The following NOL6 variants were observed in gnomAD, a reference collection of about 807,000 sequenced individuals.
NOL6 encodes nucleolar RNA-associated protein.
Under a neutral mutation model 131.7 loss-of-function variants are expected in NOL6, and 33 were observed. The ratio of observed to expected loss-of-function variants is 0.25; its 90% CI spans 0.19 to 0.33. The LOEUF is 0.33. NOL6 is among the 10% of genes least tolerant of loss of function. NOL6 has a pLI of 1.00. For missense variants in NOL6, 1,297 were observed against 1,494.5 expected, an observed-to-expected ratio of 0.87 and a Z score of 2.18; for synonymous variants, 580 against 605.7, an observed-to-expected ratio of 0.96 and a Z score of 0.62.
In NOL6 at chr9:33,466,350, G is replaced by C. The variant is rs35135082; in HGVS notation, c.2167C>G (p.Arg723Gly). ...TLRERSSLLPRLDKPCPAYVE... is the reference protein window; with the variant it reads ...TLRERSSLLPGLDKPCPAYVE... ...TAGGCCGGACAGGGCTTATCGAGCC[G>C]GGGCAGCAGTGAGGACCGCTCCCGC... Residue 723 changes from arginine to glycine, a missense_variant, in exon 17 of 26, where the codon CGG (arginine) becomes GGG (glycine). By Grantham distance (125) the Arg-to-Gly change is moderately radical (BLOSUM62 -2). Transcript: ENST00000297990. The C allele has an allele frequency of 5.0e-6, 8 of 1,614,186 alleles. 1 individual carries two copies. Among genetic ancestry groups the C allele is most frequent in the South Asian group, 3.3e-5 (3 of 91,082 alleles).
intron 23 of NOL6, 58 bp downstream of exon 23, chr9:33,463,773 G>A (rs1296754959): frequency 3.2e-6 from 5 of 1,568,288 alleles, no homozygotes; most frequent in Non-Finnish European, 4.4e-6. Flanking sequence ...CCTGAACGCT[G>A]AACTTCCAAA....
intron 23 of NOL6, 146 bp downstream of exon 23, chr9:33,463,685 A>T: frequency 1.1e-6 from 1 of 906,388 alleles, no homozygotes; most frequent in South Asian, 1.7e-5. Flanking sequence ...AGGCTCTGCC[A>T]CCCCAGGCAC....
intron 22 of NOL6, 38 bp downstream of exon 22, chr9:33,463,999 A>C: frequency 6.2e-7 from 1 of 1,612,694 alleles, no homozygotes; most frequent in Non-Finnish European, 8.5e-7. Context: ...TTCCTTGGGA[A>C]GAAAACCACA....
chr9:33,467,593 G>C lies in NOL6; in HGVS notation c.1603-77C>G, dbSNP rs1306490487. Reference sequence around the variant, plus strand: ...TAGAAACCTACTTTCTAGCTAGCTAGAAACGCCTAGCTGGAGGAATGGTGT... The same window carrying C: ...TAGAAACCTACTTTCTAGCTAGCTACAAACGCCTAGCTGGAGGAATGGTGT... On this transcript the variant is annotated intron_variant, in intron 12 of 25. Coordinates refer to ENST00000297990, the MANE Select transcript of NOL6 (RefSeq NM_022917.5). The surrounding 1 kb of genome is among the most constrained non-coding windows in gnomAD (Gnocchi z 4.4). 5 of 1,586,812 alleles carry C rather than the reference G, an allele frequency of 3.2e-6. No individual in the cohort carries two copies. The highest frequency in any genetic ancestry group is 3.4e-6 in the Non-Finnish European group (4 of 1,164,392).
chr9:33,462,233 T>C lies in NOL6; in HGVS notation c.*431A>G, dbSNP rs1204163184. On this transcript the variant is annotated 3_prime_UTR_variant, in exon 26 of 26. Transcript: ENST00000297990. ...CCCATCTAAAGGCCTGACACTGCAG[T>C]GAAGGGCATGCTAAGTCTAGGCACA... 2.8e-6 allele frequency: 2 copies of C among 717,014 alleles called. No homozygotes were observed. The highest frequency in any genetic ancestry group is 4.0e-5 in the Admixed American group (2 of 50,016). 44.4% of individuals were successfully genotyped at this position (717,014 alleles called of 1,614,324 possible). A position where few individuals can be genotyped will look rare whatever the true frequency, so the allele number is the denominator to read the frequency against.
At chr9:33,465,093 C>T in intron 20 of NOL6, 114 bp downstream of exon 20, 2 of 1,461,108 alleles carry the variant, frequency 1.4e-6, no homozygotes, top group Non-Finnish European at 1.9e-6. Flanking sequence ...ATCTTAGAAC[C>T]CCTTCTGCCA....
At chr9:33,471,217 C>T (rs1004850794) in intron 3 of NOL6, among the ~76,000 whole-genome samples, 3 of 152,238 alleles carry the variant, frequency 2.0e-5, no homozygotes, top group Admixed American at 6.5e-5. Context: ...GAACTGAGAT[C>T]GCGCCATTGC....
At position 33,463,250 on chromosome 9, in the gene NOL6, G is replaced by C. The variant is rs1189391943; in HGVS notation, c.3186C>G (p.Leu1062=). ...YDPPQLYLTQ[L]REAFGDLALF... ...CATTCAGCTGTTTAGGACCAACCCT[G>C]AGCTGCGTCAGATAGAGCTGAGGAG... is the stretch of plus-strand genomic sequence containing the variant. Residue 1062 remains leucine, a synonymous_variant, in exon 24 of 26, where the codon CTC becomes CTG. Transcript: ENST00000297990. The C allele has an allele frequency of 1.2e-5, 19 of 1,613,424 alleles. No homozygotes were observed. The highest frequency in any genetic ancestry group is 1.5e-5 in the Non-Finnish European group (18 of 1,179,494).
At position 33,465,358 on chromosome 9, in the gene NOL6, G is replaced by C. The variant is rs572006452; in HGVS notation, c.2530C>G (p.Leu844Val). 3.2e-6 allele frequency: 5 copies of C among 1,585,642 alleles called. No homozygotes were observed. The South Asian group carries it at 4.6e-5, about 14-fold the overall frequency. Residue 844 changes from leucine (L) to valine (V), a missense_variant and splice_region_variant, in exon 20 of 26, where the codon CTG becomes GTG. Leu to Val is a conservative substitution (Grantham distance 32). Coordinates refer to ENST00000297990, the MANE Select transcript of NOL6 (RefSeq NM_022917.5). ...LPLLTSALHG[L>V]QQQHPAFSGV... is the part of the protein sequence containing the mutation. ...GAGAAGGCTGGGTGCTGCTGCTGCAGTCTGCAGAGAGAAGGGGAGTGTCAG... is the reference window on the plus strand; with the variant it reads ...GAGAAGGCTGGGTGCTGCTGCTGCACTCTGCAGAGAGAAGGGGAGTGTCAG...
chr9:33,465,820 C>G lies in NOL6; in HGVS notation c.2442G>C (p.Gly814=). The change falls in exon 19 of 26, where the codon GGG becomes GGC. Residue 814 remains glycine (G), a synonymous_variant. Coordinates refer to ENST00000297990, the MANE Select transcript of NOL6 (RefSeq NM_022917.5). ...CAGCTGTGTCCCTCAGCGAGATCATCCCCTCTGGGCTCTGCACCTCCTTCA... is the reference window on the plus strand; with the variant it reads ...CAGCTGTGTCCCTCAGCGAGATCATGCCCTCTGGGCTCTGCACCTCCTTCA... ...QILKEVQSPE[G]MISLRDTAAS... The G allele has an allele frequency of 1.9e-6, 3 of 1,614,120 alleles. No individual in the cohort carries two copies. The highest frequency in any genetic ancestry group is 2.5e-6 in the Non-Finnish European group (3 of 1,180,004).
rs778829421 is a variant in NOL6, at chr9:33,470,099, T to G, written c.471A>C (p.Pro157=). Reference sequence around the variant, plus strand: ...AGCTGCCCACAACAGTAACCTGGGCTGGGGGCAGGAAGCGGAAACAGCCCT... The same window carrying G: ...AGCTGCCCACAACAGTAACCTGGGCGGGGGGCAGGAAGCGGAAACAGCCCT... The part of the protein sequence containing the change: ...AVKGCFRFLP[P]AQVTVVGSYL... The change falls in exon 4 of 26, where the codon CCA becomes CCC. Residue 157 remains proline, a synonymous_variant. Coordinates refer to ENST00000297990, the MANE Select transcript of NOL6 (RefSeq NM_022917.5). 18 of 1,612,982 alleles carry G rather than the reference T, an allele frequency of 1.1e-5. No individual in the cohort carries two copies. The South Asian group carries it at 2.0e-4, about 18-fold the overall frequency.
At chr9:33,463,492 T>C in intron 23 of NOL6, 51 bp from the exon 24 acceptor site, 1 of 1,520,190 alleles carries the variant, frequency 6.6e-7, no homozygotes, top group East Asian at 2.3e-5. Flanking sequence ...ACTGAGGAAC[T>C]GGACCACAAA....
chr9:33,461,974 GCC>G lies in NOL6; in HGVS notation c.*688_*689del, dbSNP rs534044565. 3.8e-5 allele frequency: 22 copies of G among 583,648 alleles called. No individual in the cohort carries two copies. The highest frequency in any genetic ancestry group is 3.3e-4 in the African/African-American group (18 of 54,252). The allele number at this position is 583,648 out of a possible 1,614,324, so 36.2% of individuals were successfully genotyped here. A position where few individuals can be genotyped will look rare whatever the true frequency, so the allele number is the denominator to read the frequency against. On this transcript the variant is annotated 3_prime_UTR_variant, in exon 26 of 26. Transcript: ENST00000297990. ...CCAGGGCAGATGCAGCTAACGGGTA[GCC>G]CCCAGTGCTTTTTGCACCTCTCCAA...
At position 33,461,995 on chromosome 9, in the gene NOL6, T is replaced by A; in HGVS notation, c.*669A>T. On this transcript the variant is annotated 3_prime_UTR_variant, in exon 26 of 26. Coordinates refer to ENST00000297990, the MANE Select transcript of NOL6 (RefSeq NM_022917.5). ...GGTAGCCCCCAGTGCTTTTTGCACC[T>A]CTCCAAGATTGGGTGACTACCAGTC... 2 of 605,354 alleles carry A rather than the reference T, an allele frequency of 3.3e-6. No individual in the cohort carries two copies. Among genetic ancestry groups the A allele is most frequent in the East Asian group, 5.6e-5 (2 of 35,936 alleles). The allele number at this position is 605,354 out of a possible 1,614,324, so 37.5% of individuals were successfully genotyped here.
intron 4 of NOL6, 46 bp from the exon 5 acceptor site, chr9:33,469,713 G>C (rs764321368): frequency 6.3e-7 from 1 of 1,583,794 alleles, no homozygotes; most frequent in South Asian, 1.2e-5. Context: ...ATAAGTGCTT[G>C]TGGAGCTGTG....
chr9:33,463,704 C>T (rs1243812964), intron 23 of NOL6, 127 bp downstream of exon 23: 2 of 1,046,642 alleles, frequency 1.9e-6, no homozygotes, highest in Non-Finnish European at 2.8e-6. Context: ...ACCACAGCAG[C>T]TTCAACACCT....
chr9:33,465,265 T>C lies in NOL6; in HGVS notation c.2623A>G (p.Ser875Gly). The C allele has an allele frequency of 2.5e-6, 4 of 1,597,996 alleles. No homozygotes were observed. The highest frequency in any genetic ancestry group is 3.4e-6 in the Non-Finnish European group (4 of 1,171,946). The change falls in exon 20 of 26, where the codon AGC (serine) becomes GGC (glycine). Residue 875 changes from serine (S) to glycine (G), a missense_variant. Coordinates refer to ENST00000297990, the MANE Select transcript of NOL6 (RefSeq NM_022917.5). ...QLLGEGFADE[S>G]LDLVAAALFL... is the part of the protein sequence containing the mutation. ...AGGGCAGCGGCCACCAGATCCAGGC[T>C]CTCATCAGCGAAACCCTCACCAAGA...
intron 19 of NOL6, 124 bp downstream of exon 19, chr9:33,465,610 G>T: frequency 8.6e-7 from 1 of 1,165,868 alleles, no homozygotes; most frequent in Non-Finnish European, 1.2e-6. Flanking sequence ...GAACCTGCCT[G>T]ACTCCAGAAC....
At position 33,462,657 on chromosome 9, in the gene NOL6, G is replaced by C; in HGVS notation, c.*7C>G. 1.2e-6 allele frequency: 2 copies of C among 1,613,940 alleles called. No homozygotes were observed. Among genetic ancestry groups the C allele is most frequent in the Non-Finnish European group, 8.5e-7 (1 of 1,179,926 alleles). On this transcript the variant is annotated 3_prime_UTR_variant, in exon 26 of 26. Coordinates refer to ENST00000297990, the MANE Select transcript of NOL6 (RefSeq NM_022917.5). ...CTGTCCGTCTACAGCTTGCTCCAGA[G>C]CTGGGATCACACAGTCCACCTCTCA... is the stretch of plus-strand genomic sequence containing the variant.
Sources: allele counts gnomAD v4.1 joint callset (sites outside exome capture counted in the v4.1 genomes callset), GRCh38; gene constraint gnomAD v4.1.1; non-coding constraint Gnocchi (gnomAD v3.1); transcripts MANE v1.5; gene names NCBI Gene and HGNC (gene_info 2026-07-23, HGNC 2026-07-21).